The following MAGI1 variants were observed in gnomAD, a reference collection of about 807,000 sequenced individuals.
MAGI1 encodes membrane associated guanylate kinase, WW and PDZ domain containing 1.
Under a neutral mutation model 139.9 loss-of-function variants are expected in MAGI1, and 58 were observed. That is an observed-to-expected ratio of 0.41 (90% CI 0.34 to 0.52). The LOEUF (loss-of-function observed/expected upper bound fraction) is 0.52, where lower values mean the gene tolerates loss of function less well. Among genes scored for constraint, MAGI1 ranks in the 20% least tolerant of loss-of-function variants. The pLI is 0.12. For missense variants in MAGI1, 1,874 were observed against 1,901.6 expected (o/e 0.99, Z 0.27); for synonymous variants, 812 against 737.9 (o/e 1.10, Z -1.63).
At chr3:65,472,913 A>G (rs1950640557) in intron 4 of MAGI1, among the ~76,000 whole-genome samples, 1 of 152,220 alleles carries the variant, frequency 6.6e-6, no homozygotes, top group African/African-American at 2.4e-5. Context: ...TGAAAAATGA[A>G]AGGTCATGAT....
chr3:65,709,588 G>C (rs1453418216), intron 1 of MAGI1, among the ~76,000 whole-genome samples: 1 of 152,212 alleles, frequency 6.6e-6, no homozygotes, highest in African/African-American at 2.4e-5. Flanking sequence ...AACGTCAGTA[G>C]TCTTACGGCT....
At chr3:65,796,544 G>A (rs1053079726) in intron 1 of MAGI1, among the ~76,000 whole-genome samples, 4 of 152,256 alleles carry the variant, frequency 2.6e-5, no homozygotes, top group East Asian at 1.9e-4. Flanking sequence ...CTCCCACAGC[G>A]GTTGGTCTCT....
intron 1 of MAGI1, among the ~76,000 whole-genome samples, chr3:65,872,317 A>C (rs1028983617): frequency 5.3e-5 from 8 of 152,214 alleles, no homozygotes; most frequent in Admixed American, 3.3e-4. Context: ...ATTTGAATCC[A>C]TATTAAAAAT....
At chr3:65,946,915 T>G (rs1323438299) in intron 1 of MAGI1, among the ~76,000 whole-genome samples, 1 of 152,196 alleles carries the variant, frequency 6.6e-6, no homozygotes, top group African/African-American at 2.4e-5. Flanking sequence ...ACTTTTGAAC[T>G]AAAATCTAAA....
intron 17 of MAGI1, among the ~76,000 whole-genome samples, chr3:65,378,186 T>C (rs1942714031): frequency 6.6e-6 from 1 of 152,212 alleles, no homozygotes. Context: ...AGCAGATTCA[T>C]ATATCACTAG....
rs1940202967 is a variant in MAGI1 at position 65,356,521 on chromosome 3, C to G, written c.4246G>C (p.Asp1416His). 7 of 1,610,878 alleles carry G rather than the reference C, an allele frequency of 4.3e-6. 1 individual carries two copies. Among genetic ancestry groups the G allele is most frequent in the South Asian group, 1.1e-5 (1 of 91,070 alleles). The change falls in exon 23 of 23, where the codon GAC becomes CAC. Residue 1416 changes from aspartate (D) to histidine (H), a missense_variant. Asp to His is a moderately conservative substitution (Grantham distance 81). Coordinates refer to ENST00000402939, the MANE Select transcript of MAGI1 (RefSeq NM_001033057.2). The part of the protein sequence containing the change: ...SPERRRERSL[D>H]KRNREDRASH... Reference sequence around the variant, plus strand: ...GCTCTGTCCTCTCTGTTCCTTTTGTCCAGGGACCGCTCTCTCCTGCGCTCG... The same window carrying G: ...GCTCTGTCCTCTCTGTTCCTTTTGTGCAGGGACCGCTCTCTCCTGCGCTCG...
At chr3:65,890,245 G>C (rs766076952) in intron 1 of MAGI1, among the ~76,000 whole-genome samples, 2 of 152,142 alleles carry the variant, frequency 1.3e-5, no homozygotes, top group Non-Finnish European at 2.9e-5. Flanking sequence ...GGCGCCTGCA[G>C]TCCCAGCTAC....
chr3:66,013,396 CTG>C (rs2067439442), intron 1 of MAGI1, among the ~76,000 whole-genome samples: 1 of 131,118 alleles, frequency 7.6e-6, no homozygotes, highest in African/African-American at 2.8e-5. Flanking sequence ...CAGTGAAACT[CTG>C]TCTCAAATAA....
intron 1 of MAGI1, among the ~76,000 whole-genome samples, chr3:65,995,514 A>C (rs2066395903): frequency 6.6e-6 from 1 of 151,286 alleles, no homozygotes; most frequent in Non-Finnish European, 1.5e-5. Context: ...TTTCCCCATA[A>C]GGATATACGG....
chr3:65,853,340 T>C (rs1044622940), intron 1 of MAGI1, among the ~76,000 whole-genome samples: 1 of 152,230 alleles, frequency 6.6e-6, no homozygotes, highest in Non-Finnish European at 1.5e-5. Context: ...TTGTGTGATA[T>C]AAATAGTTCT....
intron 4 of MAGI1, among the ~76,000 whole-genome samples, chr3:65,475,560 G>C (rs1420844195): frequency 6.6e-6 from 1 of 152,144 alleles, no homozygotes; most frequent in African/African-American, 2.4e-5. Context: ...AAAAGTCTTT[G>C]TTTGTGTATA....
Position 65,697,346 on chromosome 3 carries a change from AAG to A in MAGI1, c.314-75260_314-75259del, listed in dbSNP as rs1350121157. ...CTGAAACTATTCCAATCAATAGAAAAAGAGGGAATCCTCCCTAACTCATTTTA... is the reference window on the plus strand; with the variant it reads ...CTGAAACTATTCCAATCAATAGAAAAAGGGAATCCTCCCTAACTCATTTTA... On this transcript the variant is annotated intron_variant, in intron 1 of 22. Coordinates refer to ENST00000402939, the MANE Select transcript of MAGI1 (RefSeq NM_001033057.2). Among the ~76,000 whole-genome samples the A allele has an allele frequency of 2.8e-3, 425 of 150,524 alleles. 2 individuals carry two copies. The highest frequency in any genetic ancestry group is 9.9e-3 in the African/African-American group (405 of 40,774).
chr3:65,715,151 C>G (rs2032070600), intron 1 of MAGI1, among the ~76,000 whole-genome samples: 1 of 152,154 alleles, frequency 6.6e-6, no homozygotes, highest in South Asian at 2.1e-4. Flanking sequence ...AAAACGACCT[C>G]AGACATTTTA....
At position 65,743,219 on chromosome 3, in the gene MAGI1, A is replaced by C. The variant is rs553099829; in HGVS notation, c.314-121131T>G. ...ATAATATTCATATTCTAATGTTAAA[A>C]GTTCAGTCCTTTCAAAATCCATTCA... is the stretch of plus-strand genomic sequence containing the variant. On this transcript the variant is annotated intron_variant, in intron 1 of 22. Coordinates refer to ENST00000402939, the MANE Select transcript of MAGI1 (RefSeq NM_001033057.2). Among the ~76,000 whole-genome samples, 7 of 152,288 alleles carry C rather than the reference A, an allele frequency of 4.6e-5. No homozygotes were observed. In the East Asian group the frequency reaches 1.3e-3, roughly 29 times the overall value.
chr3:65,550,815 A>C (rs2079790141), intron 2 of MAGI1, among the ~76,000 whole-genome samples: 1 of 148,228 alleles, frequency 6.7e-6, no homozygotes, highest in Non-Finnish European at 1.5e-5. Context: ...AAAAAAAAAT[A>C]CAAAAATTAT....
At chr3:65,827,751 G>T (rs149434951) in intron 1 of MAGI1, among the ~76,000 whole-genome samples, 1 of 152,286 alleles carries the variant, frequency 6.6e-6, no homozygotes, top group East Asian at 1.9e-4. Flanking sequence ...TAATGTTATT[G>T]TGATAATTAT....
At chr3:65,666,087 C>T (rs1280665336) in intron 1 of MAGI1, among the ~76,000 whole-genome samples, 1 of 152,110 alleles carries the variant, frequency 6.6e-6, no homozygotes, top group African/African-American at 2.4e-5. Context: ...AGAAGTCTAC[C>T]TGCTGAGTTA....
chr3:66,032,423 T>A (rs1200836808), intron 1 of MAGI1, among the ~76,000 whole-genome samples: 1 of 138,072 alleles, frequency 7.2e-6, no homozygotes, highest in African/African-American at 2.6e-5. Context: ...GGTTTCACCA[T>A]CTTGGCCAGG....
At chr3:65,533,733 A>G (rs2078822735) in intron 2 of MAGI1, among the ~76,000 whole-genome samples, 1 of 152,130 alleles carries the variant, frequency 6.6e-6, no homozygotes, top group Non-Finnish European at 1.5e-5. Flanking sequence ...GGCAGCTTCT[A>G]AAAGATCTCC....
Sources: gnomAD v4.1 joint callset for allele counts (sites outside exome capture counted in the v4.1 genomes callset) on GRCh38, gnomAD v4.1.1 for gene constraint, MANE v1.5 for transcripts, NCBI Gene and HGNC (gene_info 2026-07-23, HGNC 2026-07-21) for gene names.